The following RANBP17 variants were observed in gnomAD, a reference collection of about 807,000 sequenced individuals.
The protein encoded by RANBP17 is ran-binding protein 17.
RANBP17 carries 158 observed loss-of-function variants against 141.2 expected under a neutral mutation model. The observed-to-expected ratio is 1.12, with a 90% confidence interval of 0.98 to 1.28. The LOEUF is 1.28. Among genes scored for constraint, RANBP17 ranks in the 50% most tolerant of loss-of-function variants. The probability of loss-of-function intolerance (pLI) is 0.00; values close to 1 mark genes in which losing one functional copy is unlikely to be tolerated. For synonymous variants in RANBP17, 430 were observed against 450.0 expected, an observed-to-expected ratio of 0.96 and a Z score of 0.56; for missense variants, 1,438 against 1,290.7, an observed-to-expected ratio of 1.11 and a Z score of -1.75.
chr5:171,297,328 T>TA (rs1255313665), intron 27 of RANBP17, among the ~76,000 whole-genome samples: 1 of 152,200 alleles, frequency 6.6e-6, no homozygotes, highest in Admixed American at 6.5e-5. Context: ...TCATGGATCT[T>TA]ACATTCTAGT....
intron 13 of RANBP17, among the ~76,000 whole-genome samples, chr5:170,956,162 C>G (rs1469572071): frequency 1.3e-5 from 2 of 151,862 alleles, no homozygotes; most frequent in Admixed American, 1.3e-4. Flanking sequence ...TGAAGTGGCA[C>G]TTATATCTTA....
At chr5:170,993,056 T>C (rs1778607077) in intron 14 of RANBP17, among the ~76,000 whole-genome samples, 1 of 152,044 alleles carries the variant, frequency 6.6e-6, no homozygotes, top group African/African-American at 2.4e-5. Context: ...TGTTTGGTAA[T>C]ATCCCCTGCC....
intron 13 of RANBP17, among the ~76,000 whole-genome samples, chr5:170,963,859 A>G (rs1209630594): frequency 6.6e-6 from 1 of 152,240 alleles, no homozygotes. Flanking sequence ...TTTACAGTTC[A>G]ATTATAGACA....
chr5:171,191,589 A>AGG (rs1761638640), intron 18 of RANBP17, among the ~76,000 whole-genome samples: 1 of 152,004 alleles, frequency 6.6e-6, no homozygotes, highest in Non-Finnish European at 1.5e-5. Context: ...CGGGAGGCTG[A>AGG]GGCAGGAGAA....
At chr5:171,041,962 C>G (rs1210754627) in intron 14 of RANBP17, among the ~76,000 whole-genome samples, 1 of 152,188 alleles carries the variant, frequency 6.6e-6, no homozygotes, top group East Asian at 1.9e-4. Context: ...TCTCATTATT[C>G]TGCTCCCACT....
intron 3 of RANBP17, among the ~76,000 whole-genome samples, chr5:170,887,565 C>G (rs1348110668): frequency 3.9e-5 from 6 of 152,156 alleles, no homozygotes; most frequent in Non-Finnish European, 8.8e-5. Context: ...TTAAAAGATT[C>G]ATAACATATT....
At chr5:171,187,459 G>A (rs1460418456) in intron 18 of RANBP17, among the ~76,000 whole-genome samples, 1 of 151,654 alleles carries the variant, frequency 6.6e-6, no homozygotes, top group Non-Finnish European at 1.5e-5. Flanking sequence ...AAAAAAAAGT[G>A]TGGTATCTGT....
At chr5:171,003,307 T>G (rs973651615) in intron 14 of RANBP17, among the ~76,000 whole-genome samples, 16 of 151,548 alleles carry the variant, frequency 1.1e-4, no homozygotes, top group Non-Finnish European at 1.9e-4. Context: ...GAAAGAGGAG[T>G]GGGGAAAGGA....
chr5:171,193,141 C>T (rs1309752573), intron 18 of RANBP17, among the ~76,000 whole-genome samples: 1 of 152,144 alleles, frequency 6.6e-6, no homozygotes, highest in Non-Finnish European at 1.5e-5. Flanking sequence ...GTTTATCTCT[C>T]CTCTTAATTT....
rs1405772431 is a variant in RANBP17, at chr5:171,199,735, C to A, written c.2104C>A (p.Gln702Lys). The change falls in exon 19 of 28, where the codon CAA becomes AAA. Residue 702 changes from glutamine to lysine, a missense_variant. Coordinates refer to ENST00000523189, the MANE Select transcript of RANBP17 (RefSeq NM_022897.5). ...TACAGTTGCTTTTGAAACAGTATTA[C>A]AAATATTCAACAACAACTTTAAACA... is the stretch of plus-strand genomic sequence containing the variant. Reference protein sequence around the residue: ...PLTVAFETVLQIFNNNFKQED... With the variant: ...PLTVAFETVLKIFNNNFKQED... 8 of 1,608,686 alleles carry A rather than the reference C, an allele frequency of 5.0e-6. No individual in the cohort carries two copies. In the East Asian group the frequency reaches 1.8e-4, roughly 36 times the overall value.
chr5:171,089,009 A>T (rs1039449975), intron 14 of RANBP17, among the ~76,000 whole-genome samples: 1 of 151,806 alleles, frequency 6.6e-6, no homozygotes, highest in Non-Finnish European at 1.5e-5. Context: ...CTGGTGAGGA[A>T]CTGCGTTCCT....
At chr5:170,882,004 A>G (rs1180814597) in intron 3 of RANBP17, 108 bp downstream of exon 3, 2 of 632,282 alleles carry the variant, frequency 3.2e-6, no homozygotes, top group Admixed American at 3.2e-5. Flanking sequence ...TGTCATTTTT[A>G]AAAACATGAG....
intron 14 of RANBP17, among the ~76,000 whole-genome samples, chr5:170,969,313 T>C (rs1313108040): frequency 6.6e-6 from 1 of 151,862 alleles, no homozygotes; most frequent in Admixed American, 6.6e-5. Flanking sequence ...TTAATATCAA[T>C]AAAATTCTCT....
chr5:171,132,980 G>A (rs1266337870), intron 14 of RANBP17, among the ~76,000 whole-genome samples: 1 of 152,034 alleles, frequency 6.6e-6, no homozygotes, highest in East Asian at 1.9e-4. Flanking sequence ...CCGCCTTCTG[G>A]TTTCAAGTGA....
intron 22 of RANBP17, among the ~76,000 whole-genome samples, chr5:171,235,230 C>T (rs2127992101): frequency 1.3e-5 from 2 of 151,134 alleles, no homozygotes; most frequent in Middle Eastern, 6.9e-3. Flanking sequence ...GTGGAGCGGG[C>T]ATAAAAGAGA....
intron 14 of RANBP17, among the ~76,000 whole-genome samples, chr5:171,038,643 G>A (rs1782042486): frequency 6.6e-6 from 1 of 151,922 alleles, no homozygotes; most frequent in Non-Finnish European, 1.5e-5. Context: ...TTTATTGAGG[G>A]TTTTTATCAT....
intron 24 of RANBP17, among the ~76,000 whole-genome samples, chr5:171,264,153 C>T (rs1766514758): frequency 6.6e-6 from 1 of 152,120 alleles, no homozygotes; most frequent in Non-Finnish European, 1.5e-5. Context: ...CCAGAAAAAA[C>T]AAATGTCGTA....
At chr5:171,108,410 TTTTA>T (rs765427122) in intron 14 of RANBP17, among the ~76,000 whole-genome samples, 2 of 152,066 alleles carry the variant, frequency 1.3e-5, no homozygotes, top group Non-Finnish European at 2.9e-5. Context: ...AAATCATGTA[TTTTA>T]TTTATTTATT....
intron 14 of RANBP17, among the ~76,000 whole-genome samples, chr5:171,016,003 C>G (rs1475603110): frequency 6.6e-6 from 1 of 152,066 alleles, no homozygotes; most frequent in Non-Finnish European, 1.5e-5. Context: ...CTCTAGACTT[C>G]TCATTGGAGT....
Sources: allele counts gnomAD v4.1 joint callset (sites outside exome capture counted in the v4.1 genomes callset), GRCh38; gene constraint gnomAD v4.1.1; transcripts MANE v1.5; gene names NCBI Gene and HGNC (gene_info 2026-07-23, HGNC 2026-07-21).